Variants in TTC6 observed in about 807,000 individuals in gnomAD.
The protein encoded by TTC6 is tetratricopeptide repeat protein 6.
Under a neutral mutation model 210.4 loss-of-function variants are expected in TTC6, and 172 were observed. That is an observed-to-expected ratio of 0.82 (90% CI 0.72 to 0.93). The LOEUF is 0.93. TTC6 is among the 40% of genes least tolerant of loss of function. The pLI is 0.00. For missense variants in TTC6, 2,414 were observed against 2,318.1 expected, an observed-to-expected ratio of 1.04 and a Z score of -0.85; for synonymous variants, 804 against 819.6, an observed-to-expected ratio of 0.98 and a Z score of 0.32.
intron 14 of TTC6, among the ~76,000 whole-genome samples, chr14:37,756,281 A>G (rs1052759938): frequency 2.0e-5 from 3 of 152,224 alleles, no homozygotes; most frequent in Non-Finnish European, 4.4e-5. Context: ...ATATACAATC[A>G]TGTCGTCTGC....
chr14:37,727,074 A>AT (rs956363267), intron 7 of TTC6, among the ~76,000 whole-genome samples: 1 of 151,504 alleles, frequency 6.6e-6, no homozygotes, highest in African/African-American at 2.4e-5. Context: ...CTTTTATTTT[A>AT]TTTTTTTAGA....
At chr14:37,761,483 A>G (rs900130817) in intron 14 of TTC6, among the ~76,000 whole-genome samples, 2 of 152,064 alleles carry the variant, frequency 1.3e-5, no homozygotes, top group African/African-American at 4.8e-5. Context: ...TTAAGGTAAA[A>G]TAAAGCTTAT....
intron 6 of TTC6, among the ~76,000 whole-genome samples, chr14:37,716,518 A>T (rs1448877289): frequency 1.3e-5 from 2 of 152,116 alleles, no homozygotes; most frequent in African/African-American, 2.4e-5. Context: ...TTCAAAGAAA[A>T]GTGGGAATGG....
chr14:37,743,725 G>A (rs1247916479), intron 10 of TTC6, among the ~76,000 whole-genome samples: 1 of 152,124 alleles, frequency 6.6e-6, no homozygotes, highest in Non-Finnish European at 1.5e-5. Context: ...TTCAAACTTA[G>A]GTTTAGAGGA....
intron 10 of TTC6, among the ~76,000 whole-genome samples, chr14:37,741,197 T>C (rs1386909268): frequency 6.6e-6 from 1 of 151,838 alleles, no homozygotes; most frequent in East Asian, 1.9e-4. Context: ...AATGTAGATA[T>C]GAATTGTTCA....
intron 19 of TTC6, 107 bp from the exon 22 acceptor site, chr14:37,796,680 T>C (rs1440998559): frequency 3.0e-6 from 3 of 1,015,726 alleles, no homozygotes; most frequent in Non-Finnish European, 2.8e-6. Flanking sequence ...TATTGATTTG[T>C]TAATTCATAT....
rs556635470 is a variant in TTC6 at position 37,664,127 on chromosome 14, T to C, written c.940-16024T>C. ...TATTCCCATTAAACTACCATTGACA[T>C]TCTTCACAGAATTAGAAAAAGCTAT... On this transcript the variant is annotated intron_variant, in intron 1 of 30. Coordinates refer to ENST00000553443, the Ensembl canonical transcript of TTC6. 9.3e-4 allele frequency among the ~76,000 whole-genome samples: 140 copies of C among 150,738 alleles called. 5 individuals are homozygous for C. The highest frequency in any genetic ancestry group is 3.2e-3 in the African/African-American group (134 of 41,444).
chr14:37,831,228 C>T (rs1226506674), intron 29 of TTC6, among the ~76,000 whole-genome samples: 5 of 152,092 alleles, frequency 3.3e-5, no homozygotes, highest in Non-Finnish European at 5.9e-5. Context: ...CCTCTATGCT[C>T]ACCCATGTTG....
At chr14:37,699,022 G>A (rs1324670333) in intron 4 of TTC6, among the ~76,000 whole-genome samples, 1 of 152,190 alleles carries the variant, frequency 6.6e-6, no homozygotes, top group Non-Finnish European at 1.5e-5. Context: ...ATCAGTGCCA[G>A]CCATATTGAG....
chr14:37,793,080 A>G (rs758941547), intron 17 of TTC6, among the ~76,000 whole-genome samples: 56 of 151,988 alleles, frequency 3.7e-4, no homozygotes, highest in Non-Finnish European at 1.5e-4. Flanking sequence ...ATACCACTTC[A>G]CCTCTAACTG....
chr14:37,677,530 G>C (rs1434064080), intron 1 of TTC6, among the ~76,000 whole-genome samples: 1 of 151,812 alleles, frequency 6.6e-6, no homozygotes, highest in Non-Finnish European at 1.5e-5. Flanking sequence ...TTATTATTCT[G>C]ACAGTGAACT....
chr14:37,608,358 G>A (rs1461009949), intron 2 of TTC6, among the ~76,000 whole-genome samples: 1 of 151,988 alleles, frequency 6.6e-6, no homozygotes, highest in Non-Finnish European at 1.5e-5. Flanking sequence ...CACCGAGGCT[G>A]GAGTTCAGTG....
intron 14 of TTC6, among the ~76,000 whole-genome samples, chr14:37,783,822 G>T (rs2139279634): frequency 6.6e-6 from 1 of 152,078 alleles, no homozygotes; most frequent in East Asian, 1.9e-4. Flanking sequence ...GAGATTCTGG[G>T]ATTTTGTGTC....
intron 1 of TTC6, among the ~76,000 whole-genome samples, chr14:37,625,034 A>G (rs1566847030): frequency 6.6e-6 from 1 of 152,182 alleles, no homozygotes; most frequent in Non-Finnish European, 1.5e-5. Context: ...CAGGTGTCTC[A>G]GTCCCATCTC....
chr14:37,613,638 TA>T (rs1453180834), intron 2 of TTC6, among the ~76,000 whole-genome samples: 1 of 152,108 alleles, frequency 6.6e-6, no homozygotes, highest in Non-Finnish European at 1.5e-5. Flanking sequence ...TGATAACAGA[TA>T]AAATTTTTTA....
intron 7 of TTC6, among the ~76,000 whole-genome samples, chr14:37,727,529 G>T (rs982956386): frequency 2.0e-5 from 1 of 49,250 alleles, no homozygotes; most frequent in Non-Finnish European, 4.0e-5. Context: ...TCCTGACCTT[G>T]TGATCCGCCC....
At chr14:37,703,099 A>G (rs932717547) in intron 5 of TTC6, among the ~76,000 whole-genome samples, 1 of 152,054 alleles carries the variant, frequency 6.6e-6, no homozygotes, top group Non-Finnish European at 1.5e-5. Flanking sequence ...GCCTAAAGCT[A>G]GGAGTAGAAA....
chr14:37,758,110 C>T (rs1036134342), intron 14 of TTC6, among the ~76,000 whole-genome samples: 7 of 151,874 alleles, frequency 4.6e-5, no homozygotes, highest in Non-Finnish European at 7.4e-5. Flanking sequence ...TTATGTGGTC[C>T]GTTTTAGAAT....
intron 9 of TTC6, 128 bp from the exon 12 acceptor site, chr14:37,738,648 G>A (rs1876450122): frequency 6.1e-6 from 5 of 816,640 alleles, no homozygotes; most frequent in Non-Finnish European, 8.7e-6. Context: ...TAAGAATACT[G>A]ATTTTTAAAC....
Sources: gnomAD v4.1 joint callset for allele counts (sites outside exome capture counted in the v4.1 genomes callset) on GRCh38, gnomAD v4.1.1 for gene constraint, MANE v1.5 for transcripts, NCBI Gene and HGNC (gene_info 2026-07-23, HGNC 2026-07-21) for gene names.